The following CD8B2 variants were observed in gnomAD, a reference collection of about 807,000 sequenced individuals.
CD8B2 encodes the protein CD8B family member 2.
In CD8B2, 11 loss-of-function variants were observed where a neutral mutation model predicts 23.7. The ratio of observed to expected loss-of-function variants is 0.46; its 90% CI spans 0.29 to 0.77. The LOEUF is 0.77. Ranked by LOEUF, CD8B2 falls within the 30% of genes least tolerant of loss-of-function variation. The pLI, the probability that CD8B2 is intolerant of heterozygous loss-of-function variation, is 0.09. For synonymous variants in CD8B2, 90 were observed against 109.3 expected, an observed-to-expected ratio of 0.82 and a Z score of 1.10; for missense variants, 197 against 270.5, an observed-to-expected ratio of 0.73 and a Z score of 1.91.
rs1282296448 is a variant in CD8B2, at chr2:106,488,933, A to C, written c.43+1464A>C. Among the ~76,000 whole-genome samples the C allele has an allele frequency of 7.2e-5, 11 of 152,024 alleles. No homozygotes were observed. In the East Asian group the frequency reaches 2.1e-3, roughly 29 times the overall value. ...GCAGTGTGGTGTTTGGGGAAACAAG[A>C]GGAAGTCCAGCAGCCACTTGTGCCC... On this transcript the variant is annotated intron_variant, in intron 1 of 5. Coordinates refer to ENST00000643224, the MANE Select transcript of CD8B2 (RefSeq NM_001349727.2).
intron 5 of CD8B2, among the ~76,000 whole-genome samples, chr2:106,523,210 C>A (rs1027791295): frequency 2.6e-5 from 4 of 152,096 alleles, no homozygotes; most frequent in Admixed American, 6.5e-5. Flanking sequence ...AGACACTGCT[C>A]CCATCTTGCA....
chr2:106,500,352 C>G (rs1679380812), intron 3 of CD8B2, among the ~76,000 whole-genome samples: 1 of 132,600 alleles, frequency 7.5e-6, no homozygotes, highest in Admixed American at 8.0e-5. Flanking sequence ...AAACCCATCT[C>G]TACTAAAAAC....
chr2:106,504,716 G>C (rs1195249186), intron 5 of CD8B2, among the ~76,000 whole-genome samples: 1 of 152,116 alleles, frequency 6.6e-6, no homozygotes, highest in Non-Finnish European at 1.5e-5. Flanking sequence ...CTCCTGAGGA[G>C]AGCAATCAGG....
rs186944603 is a variant in CD8B2 at position 106,510,062 on chromosome 2, A to G, written c.*3122A>G. ...ATCAAATGATGGTCATGACAAATGCATATATTTTTAAAACATCTGTATAGA... is the reference window on the plus strand; with the variant it reads ...ATCAAATGATGGTCATGACAAATGCGTATATTTTTAAAACATCTGTATAGA... On this transcript the variant is annotated 3_prime_UTR_variant, in exon 6 of 6. Transcript: ENST00000643224. The G allele has an allele frequency of 6.6e-6, 1 of 152,352 alleles. No individual in the cohort carries two copies. The highest frequency in any genetic ancestry group is 1.9e-4 in the East Asian group (1 of 5,184). 9.4% of individuals were successfully genotyped at this position (152,352 alleles called of 1,614,324 possible). A position where few individuals can be genotyped will look rare whatever the true frequency, so the allele number is the denominator to read the frequency against.
intron 4 of CD8B2, 68 bp downstream of exon 4, chr2:106,502,631 C>T: frequency 1.2e-6 from 1 of 839,092 alleles, no homozygotes. Flanking sequence ...GGGATACTTT[C>T]TTCTCTAGGG....
intron 5 of CD8B2, among the ~76,000 whole-genome samples, chr2:106,540,075 G>A (rs1043675411): frequency 1.3e-5 from 2 of 151,910 alleles, no homozygotes; most frequent in African/African-American, 2.4e-5. Flanking sequence ...TTTATGGCTT[G>A]AAAGAAATTC....
rs560750044 is a variant in CD8B2 at position 106,510,111 on chromosome 2, G to A, written c.*3171G>A. Reference sequence around the variant, plus strand: ...GATTATTCTTAATACAATATATGGCGCAATACGTAGTCACTGTTAAAATTC... The same window carrying A: ...GATTATTCTTAATACAATATATGGCACAATACGTAGTCACTGTTAAAATTC... On this transcript the variant is annotated 3_prime_UTR_variant, in exon 6 of 6. Coordinates refer to ENST00000643224, the MANE Select transcript of CD8B2 (RefSeq NM_001349727.2). 19 of 152,260 alleles carry A rather than the reference G, an allele frequency of 1.2e-4. No individual in the cohort carries two copies. Among genetic ancestry groups the A allele is most frequent in the East Asian group, 1.2e-3 (6 of 5,176 alleles). 9.4% of individuals were successfully genotyped at this position (152,260 alleles called of 1,614,324 possible).
intron 5 of CD8B2, among the ~76,000 whole-genome samples, chr2:106,533,214 C>A (rs747353434): frequency 2.6e-5 from 4 of 152,166 alleles, no homozygotes; most frequent in African/African-American, 4.8e-5. Flanking sequence ...GGCACCAGGG[C>A]TTCTGATTGC....
At chr2:106,514,238 C>G (rs1489362795), downstream of CD8B2, among the ~76,000 whole-genome samples, 3 of 150,416 alleles carry the variant, frequency 2.0e-5, no homozygotes, top group East Asian at 1.9e-4. Flanking sequence ...GTGTGTGCTT[C>G]TGTGTGTGGC....
At chr2:106,512,469 C>T (rs559618426), downstream of CD8B2, among the ~76,000 whole-genome samples, 1 of 151,536 alleles carries the variant, frequency 6.6e-6, no homozygotes, top group Admixed American at 6.6e-5. Context: ...TTCTCCTCTT[C>T]CTTGGGTGTG....
chr2:106,499,602 T>C (rs1218857505), intron 3 of CD8B2, among the ~76,000 whole-genome samples: 6 of 150,696 alleles, frequency 4.0e-5, no homozygotes, highest in Non-Finnish European at 7.4e-5. Flanking sequence ...ATTTTAAGCA[T>C]ACAAATTCAA....
chr2:106,506,322 G>T (rs60445350), intron 5 of CD8B2, among the ~76,000 whole-genome samples: 4,817 of 152,124 alleles, frequency 0.032, 96 homozygotes, highest in African/African-American at 0.039. Context: ...TGCAAGCCCA[G>T]GGTCAGCTTG....
At chr2:106,531,430 T>C (rs1165251150) in intron 5 of CD8B2, among the ~76,000 whole-genome samples, 6 of 152,198 alleles carry the variant, frequency 3.9e-5, no homozygotes, top group African/African-American at 1.4e-4. Flanking sequence ...TCTATTTTTG[T>C]TGCACTTATT....
intron 5 of CD8B2, among the ~76,000 whole-genome samples, chr2:106,539,502 T>A (rs1680140759): frequency 6.6e-6 from 1 of 152,234 alleles, no homozygotes; most frequent in African/African-American, 2.4e-5. Flanking sequence ...TGTGCTCATC[T>A]TTTATTCTGA....
chr2:106,489,661 T>C (rs1484252066), intron 1 of CD8B2, among the ~76,000 whole-genome samples: 3 of 152,214 alleles, frequency 2.0e-5, no homozygotes, highest in Non-Finnish European at 4.4e-5. Flanking sequence ...ATGGAACCTG[T>C]TCTGATCCTT....
chr2:106,491,557 A>AT (rs34489135), intron 2 of CD8B2, among the ~76,000 whole-genome samples: 2 of 151,798 alleles, frequency 1.3e-5, no homozygotes, highest in Admixed American at 6.6e-5. Flanking sequence ...TTATTTATTT[A>AT]TTTTTTTTGA....
intron 4 of CD8B2, 81 bp from the exon 5 acceptor site, chr2:106,504,208 T>C: frequency 6.5e-7 from 1 of 1,545,980 alleles, no homozygotes; most frequent in South Asian, 1.2e-5. Flanking sequence ...GCTGCCCCTG[T>C]GACAATCCTC....
At position 106,505,381 on chromosome 2, in the gene CD8B2, C is replaced by T. The variant is rs570642173; in HGVS notation, c.620+1056C>T. Among the ~76,000 whole-genome samples, 4 of 152,254 alleles carry T rather than the reference C, an allele frequency of 2.6e-5. No homozygotes were observed. The East Asian group carries it at 7.7e-4, about 29-fold the overall frequency. On this transcript the variant is annotated intron_variant, in intron 5 of 5. Coordinates refer to ENST00000643224, the MANE Select transcript of CD8B2 (RefSeq NM_001349727.2). ...CTGGGTTTGAATCCCGTCTGCCAAT[C>T]ACCATGTGACAGCCAGCAAGTCACT...
intron 5 of CD8B2, among the ~76,000 whole-genome samples, chr2:106,542,385 A>G (rs1179477299): frequency 6.6e-6 from 1 of 152,214 alleles, no homozygotes; most frequent in Non-Finnish European, 1.5e-5. Flanking sequence ...TACAGTCATG[A>G]ATAGAGATTG....
Sources: gnomAD v4.1 joint callset for allele counts (sites outside exome capture counted in the v4.1 genomes callset) on GRCh38, gnomAD v4.1.1 for gene constraint, MANE v1.5 for transcripts, NCBI Gene and HGNC (gene_info 2026-07-23, HGNC 2026-07-21) for gene names.